Variants in BNC2 observed in about 807,000 individuals in gnomAD.
BNC2 encodes basonuclin zinc finger protein 2.
BNC2 carries 20 observed loss-of-function variants against 76.3 expected under a neutral mutation model. That is an observed-to-expected ratio of 0.26 (90% CI 0.18 to 0.38). The LOEUF (loss-of-function observed/expected upper bound fraction) is 0.38. Ranked by LOEUF, BNC2 falls within the 10% of genes least tolerant of loss-of-function variation. The probability of loss-of-function intolerance (pLI) is 1.00; values close to 1 mark genes in which losing one functional copy is unlikely to be tolerated. For missense variants in BNC2, 1,382 were observed against 1,399.8 expected (o/e 0.99, Z 0.20); for synonymous variants, 582 against 514.8 (o/e 1.13, Z -1.77).
intron 3 of BNC2, among the ~76,000 whole-genome samples, chr9:16,701,536 A>G (rs940489144): frequency 6.6e-6 from 1 of 152,256 alleles, no homozygotes; most frequent in Non-Finnish European, 1.5e-5. Flanking sequence ...CTTACTAACA[A>G]GCCAAAGTAA....
intron 5 of BNC2, among the ~76,000 whole-genome samples, chr9:16,534,721 A>G (rs1818077575): frequency 6.6e-6 from 1 of 152,162 alleles, no homozygotes; most frequent in African/African-American, 2.4e-5. Context: ...CAGCAGGAAG[A>G]TGGCTTTTGT....
At chr9:16,829,856 G>A (rs1818539869) in intron 1 of BNC2, among the ~76,000 whole-genome samples, 1 of 151,972 alleles carries the variant, frequency 6.6e-6, no homozygotes. Context: ...TTTCCCCAGG[G>A]GAACAGAAAT....
At chr9:16,699,809 A>C (rs1468977002) in intron 3 of BNC2, among the ~76,000 whole-genome samples, 1 of 152,262 alleles carries the variant, frequency 6.6e-6, no homozygotes, top group East Asian at 1.9e-4. Context: ...CTAGCTAAAA[A>C]GTCTGGACTC....
At chr9:16,703,597 C>G (rs1823578029) in intron 3 of BNC2, among the ~76,000 whole-genome samples, 1 of 152,112 alleles carries the variant, frequency 6.6e-6, no homozygotes, top group Non-Finnish European at 1.5e-5. Context: ...TGTAAGACTT[C>G]CTATAAATAA....
intron 1 of BNC2, among the ~76,000 whole-genome samples, chr9:16,853,804 G>A (rs1419794439): frequency 6.6e-6 from 1 of 152,124 alleles, no homozygotes; most frequent in African/African-American, 2.4e-5. Context: ...GGAGACAGAG[G>A]TTGCAGTGAG....
chr9:16,436,046 T>C lies in BNC2; in HGVS notation c.2148A>G (p.Gln716=), dbSNP rs370776616. ...CGTTCTCATAGTCCCGCTCAGGTTC[T>C]TGGTCTTCAGAAGTCATGCTGTCGG... The part of the protein sequence containing the change: ...RRADSMTSED[Q]EPERDYENES... The change falls in exon 6 of 7, where the codon CAA becomes CAG. Residue 716 remains glutamine, a synonymous_variant. Transcript: ENST00000380672. 2.5e-6 allele frequency: 4 copies of C among 1,614,230 alleles called. No individual in the cohort carries two copies. In the African/African-American group the frequency reaches 4.0e-5, roughly 16 times the overall value.
chr9:16,650,069 G>C (rs536006609), intron 3 of BNC2, among the ~76,000 whole-genome samples: 1 of 152,248 alleles, frequency 6.6e-6, no homozygotes, highest in Non-Finnish European at 1.5e-5. Context: ...GCAGAGGAAG[G>C]CAAAGACCAA....
chr9:16,691,678 T>C lies in BNC2; in HGVS notation c.330+36119A>G, dbSNP rs1049040167. ...GCACCCACCACCACGCCCAGCTAATTTTTTGTATTTTTAATAGAGATGGGG... is the reference window on the plus strand; with the variant it reads ...GCACCCACCACCACGCCCAGCTAATCTTTTGTATTTTTAATAGAGATGGGG... On this transcript the variant is annotated intron_variant, in intron 3 of 6. Transcript: ENST00000380672. Among the ~76,000 whole-genome samples the C allele has an allele frequency of 6.6e-5, 10 of 151,628 alleles. No homozygotes were observed. In the East Asian group the frequency reaches 1.6e-3, roughly 24 times the overall value.
intron 1 of BNC2, among the ~76,000 whole-genome samples, chr9:16,817,601 G>A (rs968879250): frequency 3.9e-5 from 6 of 152,190 alleles, no homozygotes; most frequent in Non-Finnish European, 7.3e-5. Context: ...ATTGATGAAA[G>A]CATCTGGCAC....
chr9:16,481,276 G>C lies in BNC2; in HGVS notation c.670-43752C>G, dbSNP rs914343759. On this transcript the variant is annotated intron_variant, in intron 5 of 6. Coordinates refer to ENST00000380672, the MANE Select transcript of BNC2 (RefSeq NM_017637.6). ...GCAGGATGTGGGTGGGGCCACATAA[G>C]AGAATAAAAGCAGGCTGCCCGAGCC... Among the ~76,000 whole-genome samples, 12 of 152,222 alleles carry C rather than the reference G, an allele frequency of 7.9e-5. No individual in the cohort carries two copies. The East Asian group carries it at 1.2e-3, about 15-fold the overall frequency.
At chr9:16,786,248 C>T (rs1349673645) in intron 1 of BNC2, among the ~76,000 whole-genome samples, 2 of 152,088 alleles carry the variant, frequency 1.3e-5, no homozygotes, top group Non-Finnish European at 2.9e-5. Flanking sequence ...AACAAGGAGT[C>T]TTTTCAGGTA....
intron 5 of BNC2, among the ~76,000 whole-genome samples, chr9:16,503,391 T>C (rs1822561560): frequency 6.6e-6 from 1 of 152,108 alleles, no homozygotes; most frequent in Non-Finnish European, 1.5e-5. Flanking sequence ...CTCTAATTCA[T>C]GCCCTCACAA....
chr9:16,801,365 C>T (rs1223950053), intron 1 of BNC2, among the ~76,000 whole-genome samples: 1 of 151,984 alleles, frequency 6.6e-6, no homozygotes, highest in Non-Finnish European at 1.5e-5. Flanking sequence ...CCTGTTTCAG[C>T]CTGCCGAGTA....
At chr9:16,492,874 T>G (rs1272012267) in intron 5 of BNC2, among the ~76,000 whole-genome samples, 1 of 152,098 alleles carries the variant, frequency 6.6e-6, no homozygotes, top group African/African-American at 2.4e-5. Flanking sequence ...GTCTGAAACG[T>G]TGTGTCTTAA....
chr9:16,620,927 A>T (rs1820849072), intron 3 of BNC2, among the ~76,000 whole-genome samples: 1 of 152,160 alleles, frequency 6.6e-6, no homozygotes. Context: ...TGGAACTGCT[A>T]TACCTTAAGG....
chr9:16,695,496 G>C (rs1482947651), intron 3 of BNC2, among the ~76,000 whole-genome samples: 1 of 150,738 alleles, frequency 6.6e-6, no homozygotes, highest in Non-Finnish European at 1.5e-5. Flanking sequence ...ATTTAGCTGA[G>C]AAGTGATTCT....
intron 2 of BNC2, among the ~76,000 whole-genome samples, chr9:16,735,272 G>C (rs1249705229): frequency 2.0e-5 from 3 of 151,778 alleles, no homozygotes; most frequent in Non-Finnish European, 2.9e-5. Flanking sequence ...AAAGAAAAGT[G>C]ACTTTATTAA....
At chr9:16,563,711 C>T (rs571926916) in intron 4 of BNC2, among the ~76,000 whole-genome samples, 2 of 152,288 alleles carry the variant, frequency 1.3e-5, no homozygotes, top group East Asian at 3.9e-4. Context: ...GCAGTTACAG[C>T]TGTAGAAATG....
In BNC2 at chr9:16,520,615, G is replaced by C. The variant is rs551384446; in HGVS notation, c.669+31915C>G. Among the ~76,000 whole-genome samples, 7 of 152,264 alleles carry C rather than the reference G, an allele frequency of 4.6e-5. No individual in the cohort carries two copies. The East Asian group carries it at 1.4e-3, about 30-fold the overall frequency. On this transcript the variant is annotated intron_variant, in intron 5 of 6. Coordinates refer to ENST00000380672, the MANE Select transcript of BNC2 (RefSeq NM_017637.6). The stretch of plus-strand genomic sequence containing the variant: ...CATTCTCTGAACAGCACATAAGAGA[G>C]TGTAGACCAAGGGAGACTCCTTTCA...
Sources: allele counts gnomAD v4.1 joint callset (sites outside exome capture counted in the v4.1 genomes callset), GRCh38; gene constraint gnomAD v4.1.1; transcripts MANE v1.5; gene names NCBI Gene and HGNC (gene_info 2026-07-23, HGNC 2026-07-21).